The following PRKD1 variants were observed in gnomAD, a reference collection of about 807,000 sequenced individuals.
PRKD1 encodes serine/threonine-protein kinase D1.
PRKD1 carries 63 observed loss-of-function variants against 95.9 expected under a neutral mutation model. The observed-to-expected ratio is 0.66, with a 90% CI of 0.54 to 0.81. The LOEUF (loss-of-function observed/expected upper bound fraction) is 0.81. PRKD1 is among the 30% of genes least tolerant of loss of function. The pLI, the probability that PRKD1 is intolerant of heterozygous loss-of-function variation, is 0.00. For synonymous variants in PRKD1, 425 were observed against 423.1 expected, an observed-to-expected ratio of 1.00 and a Z score of -0.05; for missense variants, 1,048 against 1,165.3, an observed-to-expected ratio of 0.90 and a Z score of 1.47.
At chr14:29,898,328 T>C (rs1206741188) in intron 1 of PRKD1, among the ~76,000 whole-genome samples, 1 of 152,112 alleles carries the variant, frequency 6.6e-6, no homozygotes, top group African/African-American at 2.4e-5. Context: ...TTAAAGAATT[T>C]TAAAATTTTC....
chr14:29,737,895 A>G (rs1424337988), intron 1 of PRKD1, among the ~76,000 whole-genome samples: 1 of 152,224 alleles, frequency 6.6e-6, no homozygotes, highest in Admixed American at 6.5e-5. Flanking sequence ...ATTTTTAAAA[A>G]ATCATCTAAC....
chr14:29,672,460 T>G (rs979737535), intron 2 of PRKD1, among the ~76,000 whole-genome samples: 4 of 152,128 alleles, frequency 2.6e-5, no homozygotes, highest in African/African-American at 9.7e-5. Flanking sequence ...AATAATTACC[T>G]GCTGAGCAAA....
chr14:29,788,108 C>T (rs995321061), intron 1 of PRKD1, among the ~76,000 whole-genome samples: 3 of 152,090 alleles, frequency 2.0e-5, no homozygotes, highest in South Asian at 2.1e-4. Flanking sequence ...GCTGGTCTAA[C>T]GGTGATGAAT....
chr14:29,677,696 T>A (rs1461042266), intron 2 of PRKD1, among the ~76,000 whole-genome samples: 1 of 152,182 alleles, frequency 6.6e-6, no homozygotes, highest in Non-Finnish European at 1.5e-5. Context: ...TGCCTCAGAC[T>A]CCCGAATAGC....
intron 1 of PRKD1, among the ~76,000 whole-genome samples, chr14:29,861,542 CTT>C (rs1216864980): frequency 1.3e-5 from 2 of 152,126 alleles, no homozygotes; most frequent in South Asian, 2.1e-4. Context: ...AGCATTTACT[CTT>C]TGTGTTACAA....
chr14:29,906,164 A>T (rs1894487358), intron 1 of PRKD1, among the ~76,000 whole-genome samples: 2 of 152,112 alleles, frequency 1.3e-5, no homozygotes, highest in Non-Finnish European at 2.9e-5. Flanking sequence ...TTTAATACCC[A>T]CCATCTAGTA....
chr14:29,801,066 AGT>A (rs142175166), intron 1 of PRKD1, among the ~76,000 whole-genome samples: 7 of 150,860 alleles, frequency 4.6e-5, no homozygotes, highest in African/African-American at 7.3e-5. Context: ...AGGGGACCCA[AGT>A]GTGTGTGTGT....
chr14:29,744,108 C>T (rs1887105046), intron 1 of PRKD1, among the ~76,000 whole-genome samples: 2 of 152,158 alleles, frequency 1.3e-5, no homozygotes, highest in Non-Finnish European at 2.9e-5. Flanking sequence ...ACACAAATTT[C>T]TAACTCTATC....
intron 16 of PRKD1, chr14:29,592,580 T>G (rs78536390): frequency 1.1e-4 from 13 of 119,022 alleles, no homozygotes; most frequent in Non-Finnish European, 5.8e-5. Flanking sequence ...TACATACAGA[T>G]AGACAGAAGT....
chr14:29,630,932 G>A lies in PRKD1; in HGVS notation c.1482C>T (p.Ile494=). 6.2e-7 allele frequency: 1 copy of A among 1,614,042 alleles called. No homozygotes were observed. Among genetic ancestry groups the A allele is most frequent in the Non-Finnish European group, 8.5e-7 (1 of 1,179,984 alleles). The change falls in exon 10 of 18, where the codon ATC becomes ATT. Residue 494 remains isoleucine (I), a synonymous_variant. Coordinates refer to ENST00000331968, the MANE Select transcript of PRKD1 (RefSeq NM_002742.3). ...CATAATACACTACATTTGCCGTAGTGATTTCGAAACAATGAGGATTGGCCC... is the reference window on the plus strand; with the variant it reads ...CATAATACACTACATTTGCCGTAGTAATTTCGAAACAATGAGGATTGGCCC... ...PNGANPHCFE[I]TTANVVYYVG...
chr14:29,707,234 T>A (rs966821264), intron 2 of PRKD1, among the ~76,000 whole-genome samples: 1 of 151,968 alleles, frequency 6.6e-6, no homozygotes. Context: ...TAGAAGTTAC[T>A]AGGATTACAC....
intron 1 of PRKD1, among the ~76,000 whole-genome samples, chr14:29,788,605 C>CT (rs1389947067): frequency 6.6e-6 from 1 of 152,010 alleles, no homozygotes; most frequent in Non-Finnish European, 1.5e-5. Context: ...CTTTATTCTT[C>CT]TTTTTTCTTT....
At chr14:29,831,860 C>T (rs1429484175) in intron 1 of PRKD1, among the ~76,000 whole-genome samples, 5 of 152,014 alleles carry the variant, frequency 3.3e-5, no homozygotes, top group Non-Finnish European at 4.4e-5. Flanking sequence ...TATTCATGTA[C>T]ATGTTAGATA....
chr14:29,712,110 C>T (rs962948335), intron 2 of PRKD1, among the ~76,000 whole-genome samples: 1 of 152,062 alleles, frequency 6.6e-6, no homozygotes, highest in African/African-American at 2.4e-5. Flanking sequence ...GAAAGTAATA[C>T]CAGATCTTTA....
At chr14:29,636,177 G>T in intron 7 of PRKD1, 113 bp downstream of exon 7, 2 of 1,280,100 alleles carry the variant, frequency 1.6e-6, no homozygotes. Context: ...TCATATAAAA[G>T]TAAACGTGCA....
intron 1 of PRKD1, among the ~76,000 whole-genome samples, chr14:29,843,325 G>A (rs1359025616): frequency 6.6e-6 from 1 of 152,146 alleles, no homozygotes; most frequent in African/African-American, 2.4e-5. Flanking sequence ...GGCTCCAGGA[G>A]CATGAGAAAA....
chr14:29,741,865 A>C (rs1886994549), intron 1 of PRKD1, among the ~76,000 whole-genome samples: 1 of 152,062 alleles, frequency 6.6e-6, no homozygotes, highest in Non-Finnish European at 1.5e-5. Flanking sequence ...TTTTTTAAAA[A>C]AACTCCCTTT....
At chr14:29,687,015 T>C (rs1335743826) in intron 2 of PRKD1, among the ~76,000 whole-genome samples, 2 of 151,888 alleles carry the variant, frequency 1.3e-5, no homozygotes, top group African/African-American at 4.8e-5. Flanking sequence ...CAGGTTGCTG[T>C]GGCTTGCTGG....
At chr14:29,727,771 C>T (rs919258840) in intron 1 of PRKD1, among the ~76,000 whole-genome samples, 21 of 151,858 alleles carry the variant, frequency 1.4e-4, no homozygotes, top group African/African-American at 5.1e-4. Context: ...AAATGTCCAA[C>T]AATGATAGAC....
Sources: gnomAD v4.1 joint callset for allele counts (sites outside exome capture counted in the v4.1 genomes callset) on GRCh38, gnomAD v4.1.1 for gene constraint, MANE v1.5 for transcripts, NCBI Gene and HGNC (gene_info 2026-07-23, HGNC 2026-07-21) for gene names.